PLCXD2: variants seen among roughly 807,000 people sequenced by gnomAD.
PLCXD2 encodes the protein phosphatidylinositol specific phospholipase C X domain containing 2.
A neutral mutation model predicts 28.6 loss-of-function variants in PLCXD2; 21 were observed. The observed-to-expected ratio is 0.73, with a 90% CI of 0.52 to 1.06. The LOEUF (loss-of-function observed/expected upper bound fraction) is 1.06, where lower values mean the gene tolerates loss of function less well. Among genes scored for constraint, PLCXD2 ranks in the 50% least tolerant of loss-of-function variants. The pLI is 0.00. For missense variants in PLCXD2, 369 were observed against 376.7 expected (o/e 0.98, Z 0.17); for synonymous variants, 140 against 150.1 (o/e 0.93, Z 0.49).
At chr3:111,700,462 T>C (rs896371965) in intron 1 of PLCXD2, among the ~76,000 whole-genome samples, 1 of 152,222 alleles carries the variant, frequency 6.6e-6, no homozygotes, top group Non-Finnish European at 1.5e-5. Flanking sequence ...TGTATGTCCA[T>C]ATTTACTGCT....
At chr3:111,677,696 C>T (rs1346600112) in intron 1 of PLCXD2, among the ~76,000 whole-genome samples, 1 of 152,232 alleles carries the variant, frequency 6.6e-6, no homozygotes, top group African/African-American at 2.4e-5. Context: ...AACCCAGGCA[C>T]TGTCTCTGTG....
At chr3:111,702,663 T>A (rs1513334) in intron 1 of PLCXD2, among the ~76,000 whole-genome samples, 1 of 152,138 alleles carries the variant, frequency 6.6e-6, no homozygotes, top group Non-Finnish European at 1.5e-5. Flanking sequence ...TATCATAAAA[T>A]AAACTGCTAT....
chr3:111,713,738 C>T, intron 2 of PLCXD2, 149 bp from the exon 3 acceptor site: 2 of 870,924 alleles, frequency 2.3e-6, no homozygotes, highest in East Asian at 3.0e-5. Context: ...TGCTGATTTC[C>T]TAAAAATATA....
intron 1 of PLCXD2, among the ~76,000 whole-genome samples, chr3:111,684,240 G>A (rs150339240): frequency 6.7e-6 from 1 of 150,092 alleles, no homozygotes; most frequent in African/African-American, 2.5e-5. Context: ...TGAGACAGGA[G>A]AATCGCTTGA....
At chr3:111,697,094 A>G (rs1940971462) in intron 1 of PLCXD2, among the ~76,000 whole-genome samples, 1 of 152,162 alleles carries the variant, frequency 6.6e-6, no homozygotes, top group African/African-American at 2.4e-5. Flanking sequence ...TAGATATTCC[A>G]TCCAAACTCT....
chr3:111,689,832 A>G (rs1940849178), intron 1 of PLCXD2, among the ~76,000 whole-genome samples: 1 of 152,228 alleles, frequency 6.6e-6, no homozygotes, highest in African/African-American at 2.4e-5. Flanking sequence ...AGTAACGCCT[A>G]AGGTAAGACA....
In PLCXD2 at chr3:111,675,298, C is replaced by A; in HGVS notation, c.53C>A (p.Ser18Tyr). 6.2e-7 allele frequency: 1 copy of A among 1,614,100 alleles called. No individual in the cohort carries two copies. Among genetic ancestry groups the A allele is most frequent in the South Asian group, 1.1e-5 (1 of 91,068 alleles). The change falls in exon 1 of 5, where the codon TCC becomes TAC. Residue 18 changes from serine to tyrosine, a missense_variant. Ser to Tyr is a moderately radical substitution (Grantham distance 144, BLOSUM62 -2). Transcript: ENST00000477665. Reference sequence around the variant, plus strand: ...AAACTCAGGATGGGGACCATCTGCTCCCCCAACCCCAGCGGGACAAAGACA... The same window carrying A: ...AAACTCAGGATGGGGACCATCTGCTACCCCAACCCCAGCGGGACAAAGACA...
Position 111,706,918 on chromosome 3 carries a change from C to G in PLCXD2, c.164-1008C>G, listed in dbSNP as rs140701006. Among the ~76,000 whole-genome samples the G allele has an allele frequency of 1.3e-4, 19 of 151,880 alleles. No homozygotes were observed. In the East Asian group the frequency reaches 2.9e-3, roughly 23 times the overall value. On this transcript the variant is annotated intron_variant, in intron 1 of 4. Transcript: ENST00000477665. ...TGTAAATATATTTATACACCTAACA[C>G]CAGAGCACCTAGATTTATGAGGCAA...
chr3:111,719,417 A>G (rs1487773462), intron 3 of PLCXD2, among the ~76,000 whole-genome samples: 1 of 152,198 alleles, frequency 6.6e-6, no homozygotes, highest in Non-Finnish European at 1.5e-5. Context: ...AAAATGAAAA[A>G]ATGAGTAAAA....
intron 1 of PLCXD2, among the ~76,000 whole-genome samples, chr3:111,678,336 T>C (rs1483087726): frequency 6.6e-6 from 1 of 152,246 alleles, no homozygotes; most frequent in Non-Finnish European, 1.5e-5. Context: ...AATCATTTGA[T>C]GTCTGAAGGA....
At chr3:111,686,642 T>C (rs913978270) in intron 1 of PLCXD2, among the ~76,000 whole-genome samples, 2 of 152,216 alleles carry the variant, frequency 1.3e-5, no homozygotes, top group African/African-American at 4.8e-5. Context: ...TCAGCCTTTC[T>C]CTACTTGTTA....
At chr3:111,706,899 T>C (rs1028273457) in intron 1 of PLCXD2, among the ~76,000 whole-genome samples, 1 of 150,866 alleles carries the variant, frequency 6.6e-6, no homozygotes, top group Non-Finnish European at 1.5e-5. Flanking sequence ...CAATTGTAAA[T>C]ATATTTATAC....
chr3:111,689,858 A>AT (rs1489986646), intron 1 of PLCXD2, among the ~76,000 whole-genome samples: 3 of 152,254 alleles, frequency 2.0e-5, no homozygotes. Flanking sequence ...TTATAACTGC[A>AT]TTGCAGTCTT....
intron 1 of PLCXD2, among the ~76,000 whole-genome samples, chr3:111,686,390 A>G (rs1001478527): frequency 2.6e-5 from 4 of 152,234 alleles, no homozygotes; most frequent in Non-Finnish European, 5.9e-5. Flanking sequence ...ATTGTGGATA[A>G]TTATGAATTT....
intron 1 of PLCXD2, among the ~76,000 whole-genome samples, chr3:111,680,607 C>T (rs1215099927): frequency 1.3e-5 from 2 of 152,152 alleles, no homozygotes; most frequent in Admixed American, 1.3e-4. Flanking sequence ...AGGTTTCACT[C>T]TTAAAAAGGC....
At position 111,713,989 on chromosome 3, in the gene PLCXD2, C is replaced by G; in HGVS notation, c.727C>G (p.Leu243Val). ...GGCAAACACCACAAGTGTGCGCAAA[C>G]TAATCCTCTTCTTGGAGACCACTCT... is the stretch of plus-strand genomic sequence containing the variant. Residue 243 changes from leucine to valine, a missense_variant, in exon 3 of 5, where the codon CTA becomes GTA. Coordinates refer to ENST00000477665, the MANE Select transcript of PLCXD2 (RefSeq NM_001185106.1). 4 of 1,614,206 alleles carry G rather than the reference C, an allele frequency of 2.5e-6. No individual in the cohort carries two copies. The South Asian group carries it at 4.4e-5, about 18-fold the overall frequency.
At chr3:111,715,199 T>C (rs1328484935) in intron 3 of PLCXD2, among the ~76,000 whole-genome samples, 2 of 152,232 alleles carry the variant, frequency 1.3e-5, no homozygotes, top group Admixed American at 6.5e-5. Flanking sequence ...CTGAATTCAT[T>C]ATGCTGAACT....
At position 111,679,003 on chromosome 3, in the gene PLCXD2, C is replaced by T. The variant is rs576878273; in HGVS notation, c.163+3595C>T. Among the ~76,000 whole-genome samples, 22 of 152,156 alleles carry T rather than the reference C, an allele frequency of 1.4e-4. No homozygotes were observed. In the South Asian group the frequency reaches 4.6e-3, roughly 32 times the overall value. On this transcript the variant is annotated intron_variant, in intron 1 of 4. Coordinates refer to ENST00000477665, the MANE Select transcript of PLCXD2 (RefSeq NM_001185106.1). The stretch of plus-strand genomic sequence containing the variant: ...AAATGAACTTTTACCTCATCAGACC[C>T]TAAGTGCACTTTAAGAAACCTCCAT...
intron 1 of PLCXD2, among the ~76,000 whole-genome samples, chr3:111,688,233 T>C (rs1177664863): frequency 6.6e-6 from 1 of 152,188 alleles, no homozygotes; most frequent in African/African-American, 2.4e-5. Context: ...CAGTTACAGG[T>C]TTGGGAGCCT....
Sources: gnomAD v4.1 joint callset for allele counts (sites outside exome capture counted in the v4.1 genomes callset) on GRCh38, gnomAD v4.1.1 for gene constraint, MANE v1.5 for transcripts, NCBI Gene and HGNC (gene_info 2026-07-23, HGNC 2026-07-21) for gene names.